The following ERCC6L2 variants were observed in gnomAD, a reference collection of about 807,000 sequenced individuals.
The protein encoded by ERCC6L2 is ERCC excision repair 6 like 2, also known as DNA excision repair protein ERCC-6-like 2.
A neutral mutation model predicts 132.0 loss-of-function variants in ERCC6L2; 77 were observed. The ratio of observed to expected loss-of-function variants is 0.58; its 90% confidence interval spans 0.49 to 0.71. The LOEUF (loss-of-function observed/expected upper bound fraction) is 0.71. ERCC6L2 is among the 30% of genes least tolerant of loss of function. The pLI, the probability that ERCC6L2 is intolerant of heterozygous loss-of-function variation, is 0.00. For synonymous variants in ERCC6L2, 583 were observed against 632.4 expected (o/e 0.92, Z 1.17); for missense variants, 1,542 against 1,837.6 (o/e 0.84, Z 2.94).
intron 17 of ERCC6L2, among the ~76,000 whole-genome samples, chr9:96,000,108 C>G (rs1564295326): frequency 6.6e-6 from 1 of 152,016 alleles, no homozygotes; most frequent in East Asian, 1.9e-4. Context: ...AGGATGGTCT[C>G]GATCTCCTGA....
At chr9:95,903,299 C>T (rs1032891414) in intron 3 of ERCC6L2, among the ~76,000 whole-genome samples, 1 of 151,972 alleles carries the variant, frequency 6.6e-6, no homozygotes, top group African/African-American at 2.4e-5. Context: ...TTATTCTGTC[C>T]TAATTATTTG....
chr9:96,021,184 G>A (rs1025566481), downstream of ERCC6L2: 36 of 354,448 alleles, frequency 1.0e-4, no homozygotes, highest in South Asian at 5.4e-4. This position sits in a 1 kb window ranked among gnomAD's most constrained non-coding sequence, Gnocchi z 4.7. Flanking sequence ...GCTTCGCCTG[G>A]TGTCAGCGCG....
At chr9:96,002,065 C>T (rs915810601) in intron 17 of ERCC6L2, among the ~76,000 whole-genome samples, 10 of 152,372 alleles carry the variant, frequency 6.6e-5, no homozygotes, top group African/African-American at 2.2e-4. Context: ...GGCCCACAAG[C>T]GCCACACACA....
intron 11 of ERCC6L2, among the ~76,000 whole-genome samples, chr9:95,933,356 TCTATGACATCTTCATG>T (rs1461747756): frequency 6.6e-6 from 1 of 152,222 alleles, no homozygotes; most frequent in African/African-American, 2.4e-5. Flanking sequence ...CAGTCAAGTC[TCTATGACATCTTCATG>T]GTATGTCTAA....
At chr9:95,948,407 T>A (rs1321010740) in intron 12 of ERCC6L2, among the ~76,000 whole-genome samples, 1 of 152,068 alleles carries the variant, frequency 6.6e-6, no homozygotes, top group Non-Finnish European at 1.5e-5. Context: ...AATCCCAACA[T>A]TTTGGGAGGC....
At chr9:95,949,764 C>G (rs1564253498) in intron 12 of ERCC6L2, among the ~76,000 whole-genome samples, 1 of 152,124 alleles carries the variant, frequency 6.6e-6, no homozygotes. Flanking sequence ...AATCCCAGCA[C>G]TTTGGGAGGC....
rs942050624 is a variant in ERCC6L2 at position 96,017,476 on chromosome 9, G to A, written c.*4273G>A. Reference sequence around the variant, plus strand: ...AGGGTAGCAAGTCAGAACCTCCGGAGAGGCTTTTAAGCATGCACATGTCCA... The same window carrying A: ...AGGGTAGCAAGTCAGAACCTCCGGAAAGGCTTTTAAGCATGCACATGTCCA... On this transcript the variant is annotated 3_prime_UTR_variant, in exon 19 of 19. Transcript: ENST00000653738. Among the ~76,000 whole-genome samples, 1 of 152,176 alleles carries A rather than the reference G, an allele frequency of 6.6e-6. No individual in the cohort carries two copies. Among genetic ancestry groups the A allele is most frequent in the Admixed American group, 6.5e-5 (1 of 15,286 alleles).
Position 95,888,927 on chromosome 9 carries a change from G to A in ERCC6L2, c.471+7634G>A, listed in dbSNP as rs192381220. Among the ~76,000 whole-genome samples, 700 of 152,148 alleles carry A rather than the reference G, an allele frequency of 4.6e-3. 6 individuals are homozygous for A. Among genetic ancestry groups the A allele is most frequent in the African/African-American group, 0.016 (673 of 41,518 alleles). On this transcript the variant is annotated intron_variant, in intron 2 of 18. Coordinates refer to ENST00000653738, the MANE Select transcript of ERCC6L2 (RefSeq NM_020207.7). ...ATAATTAATATATAGCTAAGAGTTT[G>A]TTAGTGGTTTTAGCTAGCTTCTCCA...
chr9:95,896,727 T>G (rs1828486892), intron 2 of ERCC6L2, among the ~76,000 whole-genome samples: 1 of 152,130 alleles, frequency 6.6e-6, no homozygotes, highest in Non-Finnish European at 1.5e-5. Context: ...GCCAGACCAG[T>G]TGTTGCTTTT....
intron 7 of ERCC6L2, among the ~76,000 whole-genome samples, 155 bp from the exon 8 acceptor site, chr9:95,922,150 G>A (rs1829896078): frequency 1.3e-5 from 2 of 152,112 alleles, no homozygotes; most frequent in Non-Finnish European, 2.9e-5. Flanking sequence ...AGCTATTTGT[G>A]GATATTTTGT....
At chr9:95,989,771 A>C (rs1833227705) in intron 17 of ERCC6L2, among the ~76,000 whole-genome samples, 1 of 152,252 alleles carries the variant, frequency 6.6e-6, no homozygotes, top group South Asian at 2.1e-4. Flanking sequence ...GTATGAGATG[A>C]CATAAAATCT....
At chr9:95,914,799 C>T (rs1010794638) in intron 4 of ERCC6L2, among the ~76,000 whole-genome samples, 3 of 152,158 alleles carry the variant, frequency 2.0e-5, no homozygotes, top group Admixed American at 6.5e-5. Context: ...CAACTTATCA[C>T]ACTATTTTTA....
rs1045749382 is a variant in ERCC6L2 at position 95,921,280 on chromosome 9, A to C, written c.1264A>C (p.Arg422=). ...ILQSSEPCTC[R]SGQKRRNCCY... Reference sequence around the variant, plus strand: ...TCAATCTTCTGAGCCTTGTACCTGTAGGAGTGGCCAAAAAAGGAGAAATTG... The same window carrying C: ...TCAATCTTCTGAGCCTTGTACCTGTCGGAGTGGCCAAAAAAGGAGAAATTG... The change falls in exon 7 of 19, where the codon AGG becomes CGG. Residue 422 remains arginine, a synonymous_variant. Coordinates refer to ENST00000653738, the MANE Select transcript of ERCC6L2 (RefSeq NM_020207.7). 1.7e-5 allele frequency: 28 copies of C among 1,612,734 alleles called. No individual in the cohort carries two copies. Among genetic ancestry groups the C allele is most frequent in the Non-Finnish European group, 2.3e-5 (27 of 1,179,518 alleles).
intron 17 of ERCC6L2, among the ~76,000 whole-genome samples, chr9:95,981,347 AAAAAGGAGTAAAATGTACTG>A (rs1832885477): frequency 6.6e-6 from 1 of 152,204 alleles, no homozygotes; most frequent in South Asian, 2.1e-4. Context: ...CATGTATCTT[AAAAAGGAGTAAAATGTACTG>A]TTTTCAGTGT....
At chr9:95,904,841 A>T (rs1166213859) in intron 3 of ERCC6L2, among the ~76,000 whole-genome samples, 1 of 152,206 alleles carries the variant, frequency 6.6e-6, no homozygotes, top group African/African-American at 2.4e-5. Context: ...TTATTGAAAG[A>T]TATAAATAAT....
intron 11 of ERCC6L2, 73 bp from the exon 12 acceptor site, chr9:95,941,381 G>T (rs1356621018): frequency 2.8e-6 from 3 of 1,072,384 alleles, no homozygotes; most frequent in Non-Finnish European, 2.8e-6. Flanking sequence ...TAGAAACCTG[G>T]CACAGTTGAG....
At position 95,894,911 on chromosome 9, in the gene ERCC6L2, G is replaced by C. The variant is rs371329491; in HGVS notation, c.472-2938G>C. Among the ~76,000 whole-genome samples the C allele has an allele frequency of 1.6e-4, 25 of 152,180 alleles. 1 individual carries two copies. The South Asian group carries it at 5.2e-3, about 32-fold the overall frequency. On this transcript the variant is annotated intron_variant, in intron 2 of 18. Transcript: ENST00000653738. ...GCACCAGGCCCGGTATGTCAACTTT[G>C]GTAACTATTTCGTGGGTACTTAAAA...
chr9:95,949,700 C>T (rs1404395561), intron 12 of ERCC6L2, among the ~76,000 whole-genome samples: 2 of 152,036 alleles, frequency 1.3e-5, no homozygotes, highest in Non-Finnish European at 2.9e-5. Context: ...AGTTCATTAC[C>T]ACTAGACCAG....
intron 2 of ERCC6L2, among the ~76,000 whole-genome samples, chr9:95,892,557 G>A (rs552225561): frequency 4.6e-4 from 70 of 151,412 alleles, no homozygotes; most frequent in African/African-American, 1.7e-3. Flanking sequence ...CAAGTAGCTG[G>A]GATTATAGGC....
Sources: gnomAD v4.1 joint callset for allele counts (sites outside exome capture counted in the v4.1 genomes callset) on GRCh38, gnomAD v4.1.1 for gene constraint, Gnocchi (gnomAD v3.1) non-coding constraint, MANE v1.5 for transcripts, NCBI Gene and HGNC (gene_info 2026-07-23, HGNC 2026-07-21) for gene names.